SLC5A1: variants seen among roughly 807,000 people sequenced by gnomAD.
The protein encoded by SLC5A1 is sodium/glucose cotransporter 1.
In SLC5A1, 42 loss-of-function variants were observed where a neutral mutation model predicts 73.5. The observed-to-expected ratio is 0.57, with a 90% confidence interval of 0.45 to 0.74. The LOEUF (loss-of-function observed/expected upper bound fraction) is 0.74, where lower values mean the gene tolerates loss of function less well. Among genes scored for constraint, SLC5A1 ranks in the 30% least tolerant of loss-of-function variants. SLC5A1 has a pLI of 0.00. For missense variants in SLC5A1, 634 were observed against 855.4 expected (o/e 0.74, Z 3.23); for synonymous variants, 300 against 317.4 (o/e 0.95, Z 0.58).
chr22:32,062,899 T>C (rs1472439909), intron 2 of SLC5A1, among the ~76,000 whole-genome samples: 1 of 152,162 alleles, frequency 6.6e-6, no homozygotes, highest in Non-Finnish European at 1.5e-5. Flanking sequence ...ACAGACTAGG[T>C]GGCTTAAACA....
In SLC5A1 at chr22:32,110,590, T is replaced by C. The variant is rs996877566; in HGVS notation, c.*377T>C. On this transcript the variant is annotated 3_prime_UTR_variant, in exon 15 of 15. Transcript: ENST00000266088. ...ATTGTTTTAGAAACTTTGGTCTCCC[T>C]GGTTCCTGCCACTTTTCCTGTCCGT... 3.2e-6 allele frequency: 1 copy of C among 311,420 alleles called. No individual in the cohort carries two copies. Among genetic ancestry groups the C allele is most frequent in the African/African-American group, 2.2e-5 (1 of 46,168 alleles). The allele number at this position is 311,420 out of a possible 1,614,324, so 19.3% of individuals were successfully genotyped here. A position where few individuals can be genotyped will look rare whatever the true frequency, so the allele number is the denominator to read the frequency against.
chr22:32,092,398 CT>C (rs2094019467), intron 11 of SLC5A1, among the ~76,000 whole-genome samples: 1 of 152,114 alleles, frequency 6.6e-6, no homozygotes, highest in South Asian at 2.1e-4. Context: ...ATGAATTGTG[CT>C]GCTATAAACC....
intron 11 of SLC5A1, among the ~76,000 whole-genome samples, chr22:32,093,806 C>T (rs1234687003): frequency 6.6e-6 from 1 of 152,108 alleles, no homozygotes; most frequent in Non-Finnish European, 1.5e-5. Context: ...GTTTGACTTC[C>T]CCTTTACTGA....
intron 5 of SLC5A1, among the ~76,000 whole-genome samples, chr22:32,070,785 T>C (rs571835767): frequency 6.6e-6 from 1 of 152,208 alleles, no homozygotes; most frequent in East Asian, 1.9e-4. Flanking sequence ...GCCCAAAAGA[T>C]GGTAGGAAGA....
intron 10 of SLC5A1, among the ~76,000 whole-genome samples, chr22:32,087,875 G>A (rs772785088): frequency 2.0e-5 from 3 of 152,166 alleles, no homozygotes; most frequent in Non-Finnish European, 4.4e-5. Flanking sequence ...GAGGGGAGGT[G>A]AGTTTTCCAG....
At chr22:32,064,415 G>C (rs532148505) in intron 2 of SLC5A1, among the ~76,000 whole-genome samples, 2 of 152,010 alleles carry the variant, frequency 1.3e-5, no homozygotes, top group Admixed American at 1.3e-4. Flanking sequence ...AGGATCACTT[G>C]AGCCTGGGAG....
At chr22:32,072,675 A>G (rs2093984556) in intron 5 of SLC5A1, among the ~76,000 whole-genome samples, 1 of 152,224 alleles carries the variant, frequency 6.6e-6, no homozygotes, top group South Asian at 2.1e-4. Context: ...GCCCATATCA[A>G]GATTTTCCTA....
intron 5 of SLC5A1, among the ~76,000 whole-genome samples, chr22:32,073,921 A>G (rs904880098): frequency 1.3e-5 from 2 of 152,014 alleles, no homozygotes; most frequent in African/African-American, 4.8e-5. Flanking sequence ...TTGATTAGAG[A>G]CCAGTGTGCA....
chr22:32,079,452 C>T (rs1367639136), intron 5 of SLC5A1, among the ~76,000 whole-genome samples: 1 of 152,164 alleles, frequency 6.6e-6, no homozygotes, highest in Non-Finnish European at 1.5e-5. Context: ...CAACACTTTT[C>T]AGAAGTCTTT....
rs184213779 is a variant in SLC5A1, at chr22:32,083,084, G to A, written c.594G>A (p.Ala198=). 4.3e-6 allele frequency: 7 copies of A among 1,614,150 alleles called. No individual in the cohort carries two copies. The East Asian group carries it at 6.7e-5, about 15-fold the overall frequency. Residue 198 remains alanine, a synonymous_variant, in exon 7 of 15, where the codon GCG becomes GCA. Transcript: ENST00000266088. ...TTCTTGCCTGCTTAGGGGGCCTGGC[G>A]GCGGTGATTTACACGGACACCTTGC... ...TALYTITGGL[A]AVIYTDTLQT...
chr22:32,044,288 CAT>C (rs2093934167), intron 1 of SLC5A1, among the ~76,000 whole-genome samples: 1 of 152,118 alleles, frequency 6.6e-6, no homozygotes, highest in Non-Finnish European at 1.5e-5. Context: ...GCCTGGGCAA[CAT>C]AGTGAGACTC....
intron 5 of SLC5A1, 138 bp downstream of exon 5, chr22:32,068,738 A>C (rs1036328867): frequency 2.9e-6 from 2 of 694,764 alleles, no homozygotes; most frequent in African/African-American, 3.5e-5. Context: ...CTTGGAGTAG[A>C]GTCCTATTTC....
chr22:32,059,309 A>G, intron 2 of SLC5A1: 1 of 985,632 alleles, frequency 1.0e-6, no homozygotes, highest in Non-Finnish European at 1.2e-6. Flanking sequence ...TGGGGATGTG[A>G]CACGCACCAG....
At chr22:32,049,117 T>TTATA (rs977207283) in intron 1 of SLC5A1, among the ~76,000 whole-genome samples, 1 of 142,674 alleles carries the variant, frequency 7.0e-6, no homozygotes, top group African/African-American at 2.6e-5. Flanking sequence ...TATATAATCA[T>TTATA]TATATATATA....
At chr22:32,068,734 G>A in intron 5 of SLC5A1, 134 bp downstream of exon 5, 2 of 697,810 alleles carry the variant, frequency 2.9e-6, no homozygotes, top group Non-Finnish European at 5.2e-6. Context: ...GCGCCTTGGA[G>A]TAGAGTCCTA....
chr22:32,050,562 G>A (rs2093943835), intron 2 of SLC5A1, among the ~76,000 whole-genome samples: 1 of 152,208 alleles, frequency 6.6e-6, no homozygotes, highest in Non-Finnish European at 1.5e-5. Flanking sequence ...ACTGGATAGA[G>A]GAGAGACTGG....
chr22:32,046,427 C>A (rs1366330922), intron 1 of SLC5A1, among the ~76,000 whole-genome samples: 2 of 150,578 alleles, frequency 1.3e-5, no homozygotes, highest in African/African-American at 4.9e-5. Context: ...ATCACCTTGA[C>A]TAGTTGTCAA....
chr22:32,053,987 A>G (rs1017292155), intron 2 of SLC5A1, among the ~76,000 whole-genome samples: 7 of 152,168 alleles, frequency 4.6e-5, no homozygotes, highest in African/African-American at 1.4e-4. Flanking sequence ...CAGCTGGCCA[A>G]CATGATGAAA....
rs551135010 is a variant in SLC5A1, at chr22:32,068,609, A to G, written c.477+9A>G. The G allele has an allele frequency of 8.3e-6, 13 of 1,574,936 alleles. No homozygotes were observed. The South Asian group carries it at 8.9e-5, about 11-fold the overall frequency. On this transcript the variant is annotated intron_variant, in intron 5 of 14. Transcript: ENST00000266088. The stretch of plus-strand genomic sequence containing the variant: ...TTTTCACCAAGATCTCGGTGAGTCC[A>G]CTGCCCCAGAGGGCTGGGCTGTCTC...
Sources: gnomAD v4.1 joint callset for allele counts (sites outside exome capture counted in the v4.1 genomes callset) on GRCh38, gnomAD v4.1.1 for gene constraint, MANE v1.5 for transcripts, NCBI Gene and HGNC (gene_info 2026-07-23, HGNC 2026-07-21) for gene names.